ITGA2B: variants seen among roughly 807,000 people sequenced by gnomAD.
ITGA2B encodes the protein integrin subunit alpha 2b.
In ITGA2B, 91 loss-of-function variants were observed where a neutral mutation model predicts 142.0. The ratio of observed to expected loss-of-function variants is 0.64; its 90% CI spans 0.54 to 0.76. The LOEUF is 0.76. ITGA2B is among the 30% of genes least tolerant of loss of function. The pLI, the probability that ITGA2B is intolerant of heterozygous loss-of-function variation, is 0.00. For missense variants in ITGA2B, 1,231 were observed against 1,350.8 expected (o/e 0.91, Z 1.39); for synonymous variants, 536 against 567.2 (o/e 0.94, Z 0.78).
At chr17:44,379,377 A>G (rs1047532973) in intron 18 of ITGA2B, among the ~76,000 whole-genome samples, 1 of 151,410 alleles carries the variant, frequency 6.6e-6, no homozygotes, top group African/African-American at 2.4e-5. Context: ...CAGCCTCCCG[A>G]GTAGCTGGAA....
chr17:44,375,568 C>A lies in ITGA2B; in HGVS notation c.2727+23G>T. 1.9e-6 allele frequency: 3 copies of A among 1,612,550 alleles called. No homozygotes were observed. The South Asian group carries it at 3.3e-5, about 18-fold the overall frequency. ...CCCGTGGGTCCCGGGGAGGCCGGGC[C>A]AGAGACCAGAGAGCCTGCTCACTAC... On this transcript the variant is annotated intron_variant, in intron 26 of 29. Transcript: ENST00000262407.
Position 44,374,240 on chromosome 17 carries a change from C to G in ITGA2B, c.3060+114G>C, listed in dbSNP as rs892908487. On this transcript the variant is annotated intron_variant, in intron 29 of 29. Coordinates refer to ENST00000262407, the MANE Select transcript of ITGA2B (RefSeq NM_000419.5). ...ATTCTAATAGTGGAGACATAGACCC[C>G]TGGTCCCTGGATTACCCACTTGGGT... 3.3e-5 allele frequency: 29 copies of G among 884,092 alleles called. No individual in the cohort carries two copies. In the African/African-American group the frequency reaches 4.1e-4, roughly 12 times the overall value. The allele number at this position is 884,092 out of a possible 1,614,324, so 54.8% of individuals were successfully genotyped here. A position where few individuals can be genotyped will look rare whatever the true frequency, so the allele number is the denominator to read the frequency against.
Position 44,383,666 on chromosome 17 carries a change from T to C in ITGA2B, c.1037A>G (p.Glu346Gly). The change falls in exon 12 of 30, where the codon GAG (glutamate) becomes GGG (glycine). Residue 346 changes from glutamate (E) to glycine (G), a missense_variant. Coordinates refer to ENST00000262407, the MANE Select transcript of ITGA2B (RefSeq NM_000419.5). ...GGCCAGTTTTCGGTCTGCCCGGCTC[T>C]CCATATACAGTGGAGCGCCCACCAG... ...DLLVGAPLYM[E>G]SRADRKLAEV... is the part of the protein sequence containing the mutation. 3 of 1,593,014 alleles carry C rather than the reference T, an allele frequency of 1.9e-6. No homozygotes were observed. Among genetic ancestry groups the C allele is most frequent in the East Asian group, 4.6e-5 (2 of 43,858 alleles).
chr17:44,380,363 G>A (rs780339846), intron 15 of ITGA2B, 23 bp downstream of exon 15: 2 of 1,614,004 alleles, frequency 1.2e-6, no homozygotes, highest in Non-Finnish European at 1.7e-6. Context: ...ATCCTTTAAG[G>A]CCCATGCCCT....
intron 26 of ITGA2B, 152 bp downstream of exon 26, chr17:44,375,439 A>G (rs1333621537): frequency 1.1e-6 from 1 of 903,002 alleles, no homozygotes; most frequent in East Asian, 2.6e-5. Flanking sequence ...GACACAAGCC[A>G]GCATGCTCCT....
chr17:44,375,500 C>T (rs1397387421), intron 26 of ITGA2B, 91 bp downstream of exon 26: 2 of 1,517,944 alleles, frequency 1.3e-6, no homozygotes, highest in Non-Finnish European at 1.8e-6. Context: ...CACAGAGGCC[C>T]ACAGCACACC....
intron 1 of ITGA2B, among the ~76,000 whole-genome samples, chr17:44,387,365 A>C (rs2048658281): frequency 6.6e-6 from 1 of 151,814 alleles, no homozygotes; most frequent in South Asian, 2.1e-4. Context: ...TCTACTAAAA[A>C]TACAAAAATT....
At chr17:44,376,032 C>G (rs200370220) in intron 24 of ITGA2B, 47 bp from the exon 25 acceptor site, 6 of 1,613,852 alleles carry the variant, frequency 3.7e-6, no homozygotes, top group Non-Finnish European at 5.1e-6. Context: ...GCGCCTCACC[C>G]GGAGTTCTGA....
In ITGA2B at chr17:44,385,054, A is replaced by G; in HGVS notation, c.693T>C (p.Val231=). ...GGCGGTAACTCGAGAAAATATCCGCAACTGGAGCCTGGGCCAGGAGACCTA... is the reference window on the plus strand; with the variant it reads ...GGCGGTAACTCGAGAAAATATCCGCGACTGGAGCCTGGGCCAGGAGACCTA... ...YFLGLLAQAP[V]ADIFSSYRPG... The change falls in exon 7 of 30, where the codon GTT becomes GTC. Residue 231 remains valine, a synonymous_variant. Coordinates refer to ENST00000262407, the MANE Select transcript of ITGA2B (RefSeq NM_000419.5). 1 of 1,613,892 alleles carries G rather than the reference A, an allele frequency of 6.2e-7. No individual in the cohort carries two copies. The highest frequency in any genetic ancestry group is 1.6e-4 in the Middle Eastern group (1 of 6,062).
At chr17:44,386,211 G>A (rs763316170) in intron 1 of ITGA2B, 80 bp from the exon 2 acceptor site, 1 of 1,534,538 alleles carries the variant, frequency 6.5e-7, no homozygotes, top group Non-Finnish European at 8.7e-7. Flanking sequence ...AGCACTGCCC[G>A]GAAGGCCATG....
chr17:44,385,904 C>T lies in ITGA2B; in HGVS notation c.328G>A (p.Val110Ile). The change falls in exon 3 of 30, where the codon GTA becomes ATA. Residue 110 changes from valine (V) to isoleucine (I), a missense_variant. By Grantham distance (29) the Val-to-Ile change is conservative (BLOSUM62 3). Transcript: ENST00000262407. ...LFDLRDETRN[V>I]GSQTLQTFKA... ...AAGGTTTGTAAAGTTTGGGAGCCTA[C>T]ATTTCGGGTCTCATCACCTGGAAGG... 6.2e-7 allele frequency: 1 copy of T among 1,612,412 alleles called. No individual in the cohort carries two copies. The highest frequency in any genetic ancestry group is 8.5e-7 in the Non-Finnish European group (1 of 1,179,234).
Position 44,375,716 on chromosome 17 carries a change from C to T in ITGA2B, c.2602G>A (p.Val868Met), listed in dbSNP as rs74988902. The change falls in exon 26 of 30, where the codon GTG becomes ATG. Residue 868 changes from valine to methionine, a missense_variant and splice_region_variant. By Grantham distance (21) the Val-to-Met change is conservative (BLOSUM62 1). Transcript: ENST00000262407. Reference protein sequence around the residue: ...FPQPPVNPLKVDWGLPIPSPS... With the variant: ...FPQPPVNPLKMDWGLPIPSPS... ...CTGGGGATGGGCAGCCCCCAGTCCA[C>T]CTGGGGGGGCAAAGGAGTGGTCAGG... 3.3e-3 allele frequency: 5,135 copies of T among 1,576,338 alleles called. 9 individuals carry two copies. Among genetic ancestry groups the T allele is most frequent in the Non-Finnish European group, 3.9e-3 (4,526 of 1,160,866 alleles).
At chr17:44,385,438 C>A in intron 4 of ITGA2B, 103 bp from the exon 5 acceptor site, 1 of 1,528,338 alleles carries the variant, frequency 6.5e-7, no homozygotes, top group Non-Finnish European at 8.8e-7. Flanking sequence ...GTCGGCGGGG[C>A]CCTGGGGCGA....
rs981501820 is a variant in ITGA2B, at chr17:44,384,301, G to A, written c.891+10C>T. ...GGGGCTTCGGGAGGCCCAGTGGTGG[G>A]GGCACTTACCGCTCCCAGGGTCCAG... is the stretch of plus-strand genomic sequence containing the variant. On this transcript the variant is annotated intron_variant, in intron 9 of 29. Transcript: ENST00000262407. 6.2e-7 allele frequency: 1 copy of A among 1,613,000 alleles called. No individual in the cohort carries two copies.
Position 44,375,043 on chromosome 17 carries a change from G to C in ITGA2B, c.2796C>G (p.Ala932=), listed in dbSNP as rs1173190217. 6.5e-7 allele frequency: 1 copy of C among 1,543,990 alleles called. No individual in the cohort carries two copies. The highest frequency in any genetic ancestry group is 8.7e-7 in the Non-Finnish European group (1 of 1,145,712). The change falls in exon 27 of 30, where the codon GCC becomes GCG. Residue 932 remains alanine (A), a synonymous_variant. Transcript: ENST00000262407. ...DLQEMARGQR[A]MVTVLAFLWL... The stretch of plus-strand genomic sequence containing the variant: ...ACAGGAAGGCCAGCACCGTGACCAT[G>C]GCCCGCTGCCCGCGCGCCATCTCCT...
intron 1 of ITGA2B, among the ~76,000 whole-genome samples, chr17:44,387,826 CAAAAAAAAAAAAAAA>C (rs980395817): frequency 1.2e-4 from 3 of 24,558 alleles, no homozygotes; most frequent in African/African-American, 2.7e-4. Context: ...AACCCCATCT[CAAAAAAAAAAAAAAA>C]AAAAAAAAAA....
In ITGA2B at chr17:44,386,031, G is replaced by A; in HGVS notation, c.289C>T (p.Pro97Ser). 1 of 1,613,560 alleles carries A rather than the reference G, an allele frequency of 6.2e-7. No homozygotes were observed. Among genetic ancestry groups the A allele is most frequent in the Non-Finnish European group, 8.5e-7 (1 of 1,179,956 alleles). The change falls in exon 2 of 30, where the codon CCC becomes TCC. Residue 97 changes from proline (P) to serine (S), a missense_variant. Pro to Ser is a moderately conservative substitution (Grantham distance 74). Coordinates refer to ENST00000262407, the MANE Select transcript of ITGA2B (RefSeq NM_000419.5). The stretch of plus-strand genomic sequence containing the variant: ...TCACGGAGGTCAAAGAGCAGCGAGG[G>A]GCACTGGCCGCCCTCGGCCCTCCAG... ...CPWRAEGGQC[P>S]SLLFDLRDET... is the part of the protein sequence containing the mutation.
intron 1 of ITGA2B, among the ~76,000 whole-genome samples, chr17:44,387,104 G>A (rs959174503): frequency 6.6e-6 from 1 of 152,126 alleles, no homozygotes; most frequent in Non-Finnish European, 1.5e-5. Context: ...TAGTGCCAAT[G>A]GGATCACTAC....
chr17:44,374,294 G>A, intron 29 of ITGA2B, 60 bp downstream of exon 29: 1 of 1,459,338 alleles, frequency 6.9e-7, no homozygotes, highest in Non-Finnish European at 9.6e-7. Context: ...GACTCCCTGT[G>A]AGGCAGGGCA....
Sources: allele counts gnomAD v4.1 joint callset (sites outside exome capture counted in the v4.1 genomes callset), GRCh38; gene constraint gnomAD v4.1.1; transcripts MANE v1.5; gene names NCBI Gene and HGNC (gene_info 2026-07-23, HGNC 2026-07-21).